Variants in PLCG2 observed in about 807,000 individuals in gnomAD.
PLCG2 encodes the protein 1-phosphatidylinositol 4,5-bisphosphate phosphodiesterase gamma-2.
Under a neutral mutation model 175.6 loss-of-function variants are expected in PLCG2, and 69 were observed. That is an observed-to-expected ratio of 0.39 (90% CI 0.32 to 0.48). The LOEUF (loss-of-function observed/expected upper bound fraction) is 0.48. Ranked by LOEUF, PLCG2 falls within the 20% of genes least tolerant of loss-of-function variation. The pLI is 0.91. For missense variants in PLCG2, 1,798 were observed against 1,650.9 expected (o/e 1.09, Z -1.54); for synonymous variants, 827 against 624.0 (o/e 1.33, Z -4.85).
intron 7 of PLCG2, among the ~76,000 whole-genome samples, chr16:81,873,795 G>A (rs1907634888): frequency 1.3e-5 from 2 of 152,108 alleles, no homozygotes; most frequent in South Asian, 4.1e-4. Context: ...ATTAAAAAAA[G>A]AAGATTTGCA....
intron 11 of PLCG2, among the ~76,000 whole-genome samples, chr16:81,893,395 G>T (rs1256300398): frequency 1.3e-5 from 2 of 152,020 alleles, no homozygotes; most frequent in African/African-American, 4.8e-5. Flanking sequence ...TTCATCTTCT[G>T]CAGCTTTTTT....
chr16:81,792,118 T>C (rs1567466383), intron 2 of PLCG2, among the ~76,000 whole-genome samples: 1 of 152,150 alleles, frequency 6.6e-6, no homozygotes, highest in Non-Finnish European at 1.5e-5. Flanking sequence ...GCATGTCGAC[T>C]CTGAATCCCA....
intron 2 of PLCG2, among the ~76,000 whole-genome samples, chr16:81,758,781 G>A (rs1179832418): frequency 6.6e-6 from 1 of 151,618 alleles, no homozygotes; most frequent in African/African-American, 2.4e-5. Flanking sequence ...AGGTTCAAGC[G>A]ATTCTCCTGC....
In PLCG2 at chr16:81,908,588, T is replaced by C. The variant is rs1909480485; in HGVS notation, c.1730T>C (p.Phe577Ser). Residue 577 changes from phenylalanine to serine, a missense_variant, in exon 17 of 33, where the codon TTC (phenylalanine) becomes TCC (serine). Transcript: ENST00000564138. ...TTCCCCAATGACTACACCCTGTCCT[T>C]CTGGTAATGCCCCCGACCCAGGGAA... is the stretch of plus-strand genomic sequence containing the variant. Reference protein sequence around the residue: ...ETFPNDYTLSFWRSGRVQHCR... With the variant: ...ETFPNDYTLSSWRSGRVQHCR... The C allele has an allele frequency of 6.2e-7, 1 of 1,607,400 alleles. No individual in the cohort carries two copies. The highest frequency in any genetic ancestry group is 1.7e-5 in the Admixed American group (1 of 59,590).
intron 5 of PLCG2, among the ~76,000 whole-genome samples, chr16:81,865,711 G>A (rs563522596): frequency 4.2e-4 from 64 of 151,030 alleles, no homozygotes; most frequent in African/African-American, 1.4e-3. Flanking sequence ...ATGAGAGGAC[G>A]CTGGCCTCTC....
At chr16:81,912,531 T>TG (rs1321821079) in intron 18 of PLCG2, 66 bp from the exon 19 acceptor site, 1 of 1,582,906 alleles carries the variant, frequency 6.3e-7, no homozygotes, top group Non-Finnish European at 8.6e-7. Flanking sequence ...TCTTGTCCTC[T>TG]GCGGGTGGCC....
At chr16:81,831,962 C>T (rs951957824) in intron 2 of PLCG2, among the ~76,000 whole-genome samples, 7 of 152,284 alleles carry the variant, frequency 4.6e-5, no homozygotes, top group African/African-American at 1.7e-4. Context: ...ACTCCTCTTG[C>T]CCTAGCGGAA....
At chr16:81,819,330 C>G (rs1424591692) in intron 2 of PLCG2, among the ~76,000 whole-genome samples, 1 of 152,138 alleles carries the variant, frequency 6.6e-6, no homozygotes, top group Non-Finnish European at 1.5e-5. Context: ...GCCTCATATC[C>G]ATTTTCAGAG....
intron 2 of PLCG2, among the ~76,000 whole-genome samples, chr16:81,845,926 G>T (rs1036928879): frequency 5.9e-5 from 9 of 152,210 alleles, no homozygotes; most frequent in African/African-American, 2.2e-4. Context: ...CTTGTGGCTG[G>T]TGACCCTGGC....
chr16:81,904,492 G>C (rs937817872), intron 14 of PLCG2, among the ~76,000 whole-genome samples: 17 of 152,302 alleles, frequency 1.1e-4, no homozygotes, highest in African/African-American at 4.1e-4. Flanking sequence ...GCAGCCACTT[G>C]CCCGGGGTCA....
At chr16:81,805,794 T>TTTTGCTGTTATTGTTG (rs1911993554) in intron 2 of PLCG2, among the ~76,000 whole-genome samples, 1 of 145,596 alleles carries the variant, frequency 6.9e-6, no homozygotes, top group Non-Finnish European at 1.5e-5. Context: ...TTTTTTTTTT[T>TTTTGCTGTTATTGTTG]TTTTGCTGTT....
chr16:81,890,914 G>A (rs1425090786), intron 10 of PLCG2, among the ~76,000 whole-genome samples: 3 of 152,210 alleles, frequency 2.0e-5, no homozygotes, highest in Non-Finnish European at 2.9e-5. Flanking sequence ...TGTAATCCCA[G>A]CACTTTGGGA....
chr16:81,803,129 TTTTTTG>T (rs1293936833), intron 2 of PLCG2, among the ~76,000 whole-genome samples: 7 of 139,656 alleles, frequency 5.0e-5, no homozygotes, highest in Admixed American at 3.1e-4. Context: ...TTTTTTTTTT[TTTTTTG>T]TGAGACGGAA....
chr16:81,896,042 G>T, intron 13 of PLCG2, 115 bp downstream of exon 13: 4 of 1,326,196 alleles, frequency 3.0e-6, no homozygotes, highest in Non-Finnish European at 4.2e-6. Context: ...ATGCGGGAAG[G>T]CCTGGGCCCC....
Position 81,883,306 on chromosome 16 carries a change from C to A in PLCG2, c.730C>A (p.His244Asn), listed in dbSNP as rs1567515066. Residue 244 changes from histidine (H) to asparagine (N), a missense_variant, in exon 9 of 33, where the codon CAT (histidine) becomes AAT (asparagine). By Grantham distance (68) the His-to-Asn change is moderately conservative. Coordinates refer to ENST00000564138, the MANE Select transcript of PLCG2 (RefSeq NM_002661.5). ...DRPDASAVYL[H>N]DFQRFLIHEQ... is the part of the protein sequence containing the mutation. Reference sequence around the variant, plus strand: ...GCCGGATGCCTCTGCTGTTTACCTGCATGACTTCCAGAGGTTTCTCATACA... The same window carrying A: ...GCCGGATGCCTCTGCTGTTTACCTGAATGACTTCCAGAGGTTTCTCATACA... The A allele has an allele frequency of 6.2e-7, 1 of 1,614,170 alleles. No individual in the cohort carries two copies.
chr16:81,772,140 T>C (rs1018358561), intron 2 of PLCG2, among the ~76,000 whole-genome samples: 7 of 152,126 alleles, frequency 4.6e-5, no homozygotes, highest in Non-Finnish European at 1.0e-4. Flanking sequence ...GAGAACATCC[T>C]GGATTCAGGG....
chr16:81,861,418 C>T (rs969704472), intron 5 of PLCG2, among the ~76,000 whole-genome samples: 10 of 152,278 alleles, frequency 6.6e-5, no homozygotes, highest in East Asian at 1.9e-4. Context: ...TTCACATGCC[C>T]GATGGGAGGA....
At chr16:81,761,032 G>T (rs1374127183) in intron 2 of PLCG2, among the ~76,000 whole-genome samples, 1 of 152,064 alleles carries the variant, frequency 6.6e-6, no homozygotes. Flanking sequence ...CAGTAGCTGG[G>T]ACTATAAGTG....
intron 19 of PLCG2, among the ~76,000 whole-genome samples, chr16:81,913,777 C>T (rs1037029100): frequency 1.3e-5 from 2 of 152,338 alleles, no homozygotes; most frequent in Admixed American, 6.5e-5. Context: ...TCCCCATTCC[C>T]TCTGCCCTGA....
Sources: gnomAD v4.1 joint callset for allele counts (sites outside exome capture counted in the v4.1 genomes callset) on GRCh38, gnomAD v4.1.1 for gene constraint, MANE v1.5 for transcripts, NCBI Gene and HGNC (gene_info 2026-07-23, HGNC 2026-07-21) for gene names.